The following DMXL1 variants were observed in gnomAD, a reference collection of about 807,000 sequenced individuals.
The protein encoded by DMXL1 is Dmx like 1, also known as dmX-like protein 1.
In DMXL1, 99 loss-of-function variants were observed where a neutral mutation model predicts 319.2. The ratio of observed to expected loss-of-function variants is 0.31; its 90% CI spans 0.26 to 0.37. DMXL1 has a LOEUF of 0.37. DMXL1 is among the 10% of genes least tolerant of loss of function. The pLI, the probability that DMXL1 is intolerant of heterozygous loss-of-function variation, is 1.00. For synonymous variants in DMXL1, 1,385 were observed against 1,235.2 expected (o/e 1.12, Z -2.54); for missense variants, 3,745 against 3,595.6 (o/e 1.04, Z -1.06).
intron 13 of DMXL1, among the ~76,000 whole-genome samples, chr5:119,142,569 C>T (rs1767638913): frequency 7.0e-6 from 1 of 142,860 alleles, no homozygotes. Flanking sequence ...GAAAAGGGAA[C>T]ACTTACACAG....
chr5:119,096,328 G>A (rs996276343), intron 1 of DMXL1, among the ~76,000 whole-genome samples: 7 of 151,658 alleles, frequency 4.6e-5, no homozygotes, highest in South Asian at 2.1e-4. Context: ...AGGCATGCAC[G>A]ACCATGCCCG....
At chr5:119,151,231 TA>T (rs1006216302) in intron 18 of DMXL1, among the ~76,000 whole-genome samples, 13 of 149,528 alleles carry the variant, frequency 8.7e-5, no homozygotes, top group Admixed American at 1.3e-4. Flanking sequence ...AGAGAGCATT[TA>T]AAAAAAAAAT....
chr5:119,148,743 T>A lies in DMXL1; in HGVS notation c.2916T>A (p.His972Gln). 1 of 1,603,684 alleles carries A rather than the reference T, an allele frequency of 6.2e-7. No individual in the cohort carries two copies. The highest frequency in any genetic ancestry group is 8.5e-7 in the Non-Finnish European group (1 of 1,173,222). The change falls in exon 18 of 44, where the codon CAT (histidine) becomes CAA (glutamine). Residue 972 changes from histidine (H) to glutamine (Q), a missense_variant. His to Gln is a conservative substitution (Grantham distance 24). Transcript: ENST00000539542. ...EIISIKPSAG[H>Q]LSSSSIYPAC... ...AACGGATTATTTTTATTTTAGGACA[T>A]CTGAGTTCATCTTCTATATATCCTG...
intron 35 of DMXL1, among the ~76,000 whole-genome samples, chr5:119,217,667 T>C (rs767084564): frequency 6.6e-6 from 1 of 152,202 alleles, no homozygotes; most frequent in Non-Finnish European, 1.5e-5. Flanking sequence ...CTAAAGGAGA[T>C]ATTGTATACA....
intron 2 of DMXL1, among the ~76,000 whole-genome samples, chr5:119,098,446 AAT>A (rs1009701948): frequency 2.1e-4 from 22 of 103,536 alleles, no homozygotes; most frequent in Admixed American, 1.2e-3. Flanking sequence ...AATGATTTAG[AAT>A]ATTTTTTTTT....
At chr5:119,091,532 C>G (rs549070224) in intron 1 of DMXL1, among the ~76,000 whole-genome samples, 1 of 152,118 alleles carries the variant, frequency 6.6e-6, no homozygotes, top group Admixed American at 6.6e-5. Flanking sequence ...TGGATGCACA[C>G]CTATGTCTTT....
chr5:119,089,784 A>C (rs1161198464), intron 1 of DMXL1, among the ~76,000 whole-genome samples: 1 of 149,390 alleles, frequency 6.7e-6, no homozygotes, highest in Non-Finnish European at 1.5e-5. Context: ...ACGCCACCAT[A>C]CCCAGCTAAT....
At chr5:119,164,361 A>C in intron 19 of DMXL1, 146 bp from the exon 20 acceptor site, 1 of 715,190 alleles carries the variant, frequency 1.4e-6, no homozygotes. Context: ...AGAAGGAAAA[A>C]CTTAAAAAAG....
chr5:119,215,074 G>A (rs1158231501), intron 34 of DMXL1, among the ~76,000 whole-genome samples: 2 of 152,152 alleles, frequency 1.3e-5, no homozygotes, highest in African/African-American at 4.8e-5. Flanking sequence ...CGGATGATCG[G>A]CGTTTTGTAG....
Position 119,247,557 on chromosome 5 carries a change from G to A in DMXL1, c.*338G>A, listed in dbSNP as rs994075020. ...TGAATTTCTTCCACAGTAAAAATAC[G>A]TTTTTTGTAAAGGCAATTGTACATA... On this transcript the variant is annotated 3_prime_UTR_variant, in exon 44 of 44. Transcript: ENST00000539542. 4 of 165,106 alleles carry A rather than the reference G, an allele frequency of 2.4e-5. No homozygotes were observed. Among genetic ancestry groups the A allele is most frequent in the African/African-American group, 7.2e-5 (3 of 41,808 alleles). 10.2% of individuals were successfully genotyped at this position (165,106 alleles called of 1,614,324 possible).
Position 119,216,931 on chromosome 5 carries a change from A to G in DMXL1, c.7957A>G (p.Lys2653Glu), listed in dbSNP as rs774214169. The change falls in exon 35 of 44, where the codon AAA (lysine) becomes GAA (glutamate). Residue 2653 changes from lysine (K) to glutamate (E), a missense_variant. This residue lies in a region of DMXL1 where 1,382 missense variants were observed against 1,269.5 expected (regional missense o/e 1.09). Coordinates refer to ENST00000539542, the MANE Select transcript of DMXL1 (RefSeq NM_001290321.3). ...IEADLGYPGG[K>E]ARIIHKESDI... ...AGCAGATTTGGGATATCCTGGAGGT[A>G]AAGCAAGAATTATTCATAAGGAATC... 5.0e-6 allele frequency: 8 copies of G among 1,601,900 alleles called. No homozygotes were observed. Among genetic ancestry groups the G allele is most frequent in the Non-Finnish European group, 6.8e-6 (8 of 1,174,524 alleles).
At chr5:119,227,599 G>A (rs932630271) in intron 38 of DMXL1, among the ~76,000 whole-genome samples, 3 of 152,042 alleles carry the variant, frequency 2.0e-5, no homozygotes, top group Non-Finnish European at 4.4e-5. Flanking sequence ...TACAGTACCA[G>A]GCCAGTTTTT....
At chr5:119,082,415 C>T (rs1484213627) in intron 1 of DMXL1, among the ~76,000 whole-genome samples, 1 of 152,116 alleles carries the variant, frequency 6.6e-6, no homozygotes, top group Non-Finnish European at 1.5e-5. Context: ...GCTGGGACGA[C>T]AGGCATGTCC....
At chr5:119,208,782 A>G (rs1005652203) in intron 34 of DMXL1, among the ~76,000 whole-genome samples, 10 of 152,190 alleles carry the variant, frequency 6.6e-5, no homozygotes, top group African/African-American at 2.4e-4. Flanking sequence ...TATATACACT[A>G]GCGAAGCCAT....
Position 119,166,596 on chromosome 5 carries a change from C to G in DMXL1, c.4971-20C>G. 1 of 1,575,224 alleles carries G rather than the reference C, an allele frequency of 6.3e-7. No homozygotes were observed. The highest frequency in any genetic ancestry group is 1.2e-5 in the South Asian group (1 of 82,544). On this transcript the variant is annotated intron_variant, in intron 21 of 43. Coordinates refer to ENST00000539542, the MANE Select transcript of DMXL1 (RefSeq NM_001290321.3). Reference sequence around the variant, plus strand: ...AAAATTGTATTCCAAAATTTTCACACCATTTTTTTTCCTTTATAGAGCTGA... The same window carrying G: ...AAAATTGTATTCCAAAATTTTCACAGCATTTTTTTTCCTTTATAGAGCTGA...
chr5:119,229,018 A>G (rs935162738), intron 38 of DMXL1, among the ~76,000 whole-genome samples: 1 of 152,026 alleles, frequency 6.6e-6, no homozygotes, highest in African/African-American at 2.4e-5. Flanking sequence ...AATTATCTTG[A>G]TAAAACAAAA....
intron 28 of DMXL1, among the ~76,000 whole-genome samples, chr5:119,185,079 C>T (rs1777469308): frequency 6.6e-6 from 1 of 151,906 alleles, no homozygotes; most frequent in Non-Finnish European, 1.5e-5. Context: ...AATTTAGTTT[C>T]TTCTCCTTAC....
intron 29 of DMXL1, among the ~76,000 whole-genome samples, chr5:119,193,097 G>A (rs1269280781): frequency 6.6e-6 from 1 of 151,950 alleles, no homozygotes; most frequent in Non-Finnish European, 1.5e-5. Flanking sequence ...TACCCTTGCC[G>A]TTTAGCTTTT....
At chr5:119,127,698 CA>C (rs1763918322) in intron 9 of DMXL1, 3 of 193,088 alleles carry the variant, frequency 1.6e-5, no homozygotes, top group Non-Finnish European at 3.2e-5. Flanking sequence ...TCTGGCCTCC[CA>C]GAGTGCTGGG....
Sources: allele counts gnomAD v4.1 joint callset (sites outside exome capture counted in the v4.1 genomes callset), GRCh38; gene constraint gnomAD v4.1.1; regional missense constraint gnomAD v4.1.1; transcripts MANE v1.5; gene names NCBI Gene and HGNC (gene_info 2026-07-23, HGNC 2026-07-21).